The following RNF213 variants were observed in gnomAD, a reference collection of about 807,000 sequenced individuals.
RNF213 encodes the protein ring finger protein 213.
Under a neutral mutation model 514.4 loss-of-function variants are expected in RNF213, and 341 were observed. That is an observed-to-expected ratio of 0.66 (90% CI 0.61 to 0.73). The LOEUF is 0.73. Ranked by LOEUF, RNF213 falls within the 30% of genes least tolerant of loss-of-function variation. The pLI, the probability that RNF213 is intolerant of heterozygous loss-of-function variation, is 0.00. For missense variants in RNF213, 5,767 were observed against 6,615.6 expected (o/e 0.87, Z 4.45); for synonymous variants, 2,655 against 2,658.2 (o/e 1.00, Z 0.04).
intron 11 of RNF213, among the ~76,000 whole-genome samples, chr17:80,303,719 A>G (rs1015981166): frequency 1.3e-5 from 2 of 151,460 alleles, no homozygotes; most frequent in Non-Finnish European, 2.9e-5. Flanking sequence ...GCATGTCATC[A>G]CACATCACAT....
At chr17:80,356,292 G>A (rs1357408575) in intron 36 of RNF213, among the ~76,000 whole-genome samples, 1 of 152,234 alleles carries the variant, frequency 6.6e-6, no homozygotes, top group Non-Finnish European at 1.5e-5. Flanking sequence ...GTGAGCCAGT[G>A]TGCCCGGCCT....
chr17:80,271,503 G>A (rs868328548), intron 2 of RNF213, among the ~76,000 whole-genome samples: 4 of 152,214 alleles, frequency 2.6e-5, no homozygotes, highest in African/African-American at 7.2e-5. Context: ...CCTTGGAGAA[G>A]GGTCTGTGGG....
rs756408365 is a variant in RNF213, at chr17:80,339,362, A to G, written c.4995A>G (p.Glu1665=). ...TGGACCTGGTGACGGAGCTTAAAGA[A>G]GGTGGAGATGTCACTGAGCTGCTGG... ...FGLDLVTELK[E]GGDVTELLAA... Residue 1665 remains glutamate (E), a synonymous_variant, in exon 26 of 68, where the codon GAA becomes GAG. Coordinates refer to ENST00000582970, the MANE Select transcript of RNF213 (RefSeq NM_001256071.3). The G allele has an allele frequency of 6.5e-7, 1 of 1,537,256 alleles. No homozygotes were observed. Among genetic ancestry groups the G allele is most frequent in the South Asian group, 1.2e-5 (1 of 84,062 alleles).
At chr17:80,293,430 G>A (rs55971860) in intron 8 of RNF213, among the ~76,000 whole-genome samples, 36,592 of 151,924 alleles carry the variant, frequency 0.24, 5,603 homozygotes, top group African/African-American at 0.44. Context: ...GCATTAGTCC[G>A]GTAATTCCAT....
At chr17:80,310,089 C>T (rs2045514734) in intron 14 of RNF213, among the ~76,000 whole-genome samples, 1 of 152,010 alleles carries the variant, frequency 6.6e-6, no homozygotes, top group Admixed American at 6.6e-5. Flanking sequence ...CCAGCTTTGA[C>T]CTTTCTGCCT....
In RNF213 at chr17:80,390,014, G is replaced by A; in HGVS notation, c.15288G>A (p.Glu5096=). The change falls in exon 67 of 68, where the codon GAG becomes GAA. Residue 5096 remains glutamate (E), a splice_region_variant and synonymous_variant. Coordinates refer to ENST00000582970, the MANE Select transcript of RNF213 (RefSeq NM_001256071.3). ...KSEQLLRLHK[E]PFGEISSRYK... is the part of the protein sequence containing the mutation. ...CATTTGCTCTTCCGTCGTTTTAGGA[G>A]CCATTTGGGGAAATCAGTTCAAGGT... 1.2e-6 allele frequency: 2 copies of A among 1,614,204 alleles called. No homozygotes were observed. The highest frequency in any genetic ancestry group is 1.7e-6 in the Non-Finnish European group (2 of 1,180,026).
intron 41 of RNF213, 44 bp downstream of exon 41, chr17:80,363,834 C>G: frequency 1.9e-6 from 3 of 1,584,316 alleles, no homozygotes; most frequent in Non-Finnish European, 2.6e-6. Context: ...CTGGCGCGCG[C>G]TCACCAGGAG....
intron 17 of RNF213, among the ~76,000 whole-genome samples, chr17:80,321,926 G>A (rs544533590): frequency 3.2e-4 from 48 of 151,918 alleles, no homozygotes; most frequent in South Asian, 6.2e-4. Flanking sequence ...GGGTTTTGCC[G>A]TGTGGGTCAT....
chr17:80,299,232 C>T (rs894721486), intron 11 of RNF213, among the ~76,000 whole-genome samples: 1 of 132,594 alleles, frequency 7.5e-6, no homozygotes, highest in East Asian at 1.9e-4. Flanking sequence ...GCGTTCCAGC[C>T]AGAGAGAGTG....
At chr17:80,284,746 G>A (rs1037166461) in intron 3 of RNF213, among the ~76,000 whole-genome samples, 2 of 152,072 alleles carry the variant, frequency 1.3e-5, no homozygotes, top group African/African-American at 4.8e-5. Context: ...GCTGTTTCCC[G>A]TTACTCCCTC....
At chr17:80,296,917 G>A (rs1460628340) in intron 10 of RNF213, among the ~76,000 whole-genome samples, 2 of 151,700 alleles carry the variant, frequency 1.3e-5, no homozygotes, top group Non-Finnish European at 2.9e-5. Context: ...CTGACCTTGT[G>A]ATCCGCCTGC....
Position 80,340,192 on chromosome 17 carries a change from C to T in RNF213, c.5825C>T (p.Ala1942Val). 1 of 1,614,132 alleles carries T rather than the reference C, an allele frequency of 6.2e-7. No homozygotes were observed. The change falls in exon 26 of 68, where the codon GCC becomes GTC. Residue 1942 changes from alanine to valine, a missense_variant. Physicochemically the swap from Ala to Val is moderately conservative, Grantham distance 64. Coordinates refer to ENST00000582970, the MANE Select transcript of RNF213 (RefSeq NM_001256071.3). ...GDWEHCYLPSAFSQHKVFVTP... is the reference protein window; with the variant it reads ...GDWEHCYLPSVFSQHKVFVTP... ...TGGGAGCACTGCTACCTCCCCTCTG[C>T]CTTCAGCCAGCACAAGGTCTTCGTC...
rs2080571136 is a variant in RNF213, at chr17:80,393,571, G to C, written c.*73G>C. 2.0e-6 allele frequency: 3 copies of C among 1,510,984 alleles called. 1 individual carries two copies. In the South Asian group the frequency reaches 3.4e-5, roughly 17 times the overall value. The allele number at this position is 1,510,984 out of a possible 1,614,324, so 93.6% of individuals were successfully genotyped here. On this transcript the variant is annotated 3_prime_UTR_variant, in exon 68 of 68. Coordinates refer to ENST00000582970, the MANE Select transcript of RNF213 (RefSeq NM_001256071.3). ...CTCTCCTCGTCTGCGGCGTGGACTT[G>C]ATCATGGACTGGTGCCTTTGCATTC... is the stretch of plus-strand genomic sequence containing the variant.
Position 80,353,086 on chromosome 17 carries a change from G to A in RNF213, c.10423+27G>A. 6.2e-7 allele frequency: 1 copy of A among 1,608,658 alleles called. No homozygotes were observed. The highest frequency in any genetic ancestry group is 8.5e-7 in the Non-Finnish European group (1 of 1,179,992). ...TGAGTCACGAGGCGGAGCCCCTGGGGGAGCAGGTGGTGGAAGGGCAGATGG... is the reference window on the plus strand; with the variant it reads ...TGAGTCACGAGGCGGAGCCCCTGGGAGAGCAGGTGGTGGAAGGGCAGATGG... On this transcript the variant is annotated intron_variant, in intron 33 of 67. Coordinates refer to ENST00000582970, the MANE Select transcript of RNF213 (RefSeq NM_001256071.3). The surrounding 1 kb of genome is among the most constrained non-coding windows in gnomAD (Gnocchi z 5.0).
intron 18 of RNF213, 95 bp downstream of exon 18, chr17:80,325,293 C>A: frequency 7.9e-7 from 1 of 1,261,452 alleles, no homozygotes; most frequent in Non-Finnish European, 1.1e-6. Flanking sequence ...CATGATGATA[C>A]TGAATTGGGA....
intron 63 of RNF213, 156 bp from the exon 64 acceptor site, chr17:80,388,456 G>A: frequency 1.5e-6 from 1 of 688,044 alleles, no homozygotes; most frequent in South Asian, 1.6e-5. Context: ...TCCATAGATG[G>A]TGGGTTAATG....
At position 80,373,122 on chromosome 17, in the gene RNF213, G is replaced by T; in HGVS notation, c.12899G>T (p.Arg4300Leu). The T allele has an allele frequency of 6.2e-7, 1 of 1,613,098 alleles. No individual in the cohort carries two copies. The highest frequency in any genetic ancestry group is 8.5e-7 in the Non-Finnish European group (1 of 1,179,972). The stretch of plus-strand genomic sequence containing the variant: ...GTGCAGGGCCTCTCCAAGCCCGGCC[G>T]CCCGCACCAGTGGGTGTTTCCCAAG... ...EFVQGLSKPG[R>L]PHQWVFPKDV... The change falls in exon 49 of 68, where the codon CGC becomes CTC. Residue 4300 changes from arginine to leucine, a missense_variant. Physicochemically the swap from Arg to Leu is moderately radical, Grantham distance 102. Around this residue, in one of 13 missense-constraint regions of RNF213, gnomAD observed 1,245 missense variants for 1,339.0 expected, o/e 0.93. Transcript: ENST00000582970.
Position 80,373,036 on chromosome 17 carries a change from G to C in RNF213, c.12813G>C (p.Glu4271Asp), listed in dbSNP as rs771331439. 1 of 1,614,070 alleles carries C rather than the reference G, an allele frequency of 6.2e-7. No individual in the cohort carries two copies. The highest frequency in any genetic ancestry group is 8.5e-7 in the Non-Finnish European group (1 of 1,180,006). Residue 4271 changes from glutamate to aspartate, a missense_variant, in exon 49 of 68, where the codon GAG (glutamate) becomes GAC (aspartate). Physicochemically the swap from Glu to Asp is conservative, Grantham distance 45. This residue lies in a region of RNF213 where 1,245 missense variants were observed against 1,339.0 expected (regional missense o/e 0.93). Transcript: ENST00000582970. The stretch of plus-strand genomic sequence containing the variant: ...TCAAGCAGTTCTGTATCCGGGTGGA[G>C]AACGACTGGCACCGGGTGTACCTGG... Reference protein sequence around the residue: ...QQVKQFCIRVENDWHRVYLVR... With the variant: ...QQVKQFCIRVDNDWHRVYLVR...
chr17:80,340,182 C>T lies in RNF213; in HGVS notation c.5815C>T (p.Leu1939Phe), dbSNP rs1568094392. The T allele has an allele frequency of 1.9e-6, 3 of 1,614,134 alleles. No individual in the cohort carries two copies. Among genetic ancestry groups the T allele is most frequent in the Non-Finnish European group, 2.5e-6 (3 of 1,180,024 alleles). ...TGATGGGGACTGGGAGCACTGCTAC[C>T]TCCCCTCTGCCTTCAGCCAGCACAA... ...VCDGDWEHCY[L>F]PSAFSQHKVF... Residue 1939 changes from leucine to phenylalanine, a missense_variant, in exon 26 of 68, where the codon CTC becomes TTC. By Grantham distance (22) the Leu-to-Phe change is conservative (BLOSUM62 0). Coordinates refer to ENST00000582970, the MANE Select transcript of RNF213 (RefSeq NM_001256071.3).
Sources: gnomAD v4.1 joint callset for allele counts (sites outside exome capture counted in the v4.1 genomes callset) on GRCh38, gnomAD v4.1.1 for gene constraint, gnomAD v4.1.1 regional missense constraint, Gnocchi (gnomAD v3.1) non-coding constraint, MANE v1.5 for transcripts, NCBI Gene and HGNC (gene_info 2026-07-23, HGNC 2026-07-21) for gene names.